Variants in TSNARE1 observed in about 807,000 individuals in gnomAD.
TSNARE1 encodes the protein t-SNARE domain-containing protein 1.
TSNARE1 carries 49 observed loss-of-function variants against 62.0 expected under a neutral mutation model. That is an observed-to-expected ratio of 0.79 (90% CI 0.63 to 1.00). The LOEUF is 1.00. Ranked by LOEUF, TSNARE1 falls within the 50% of genes least tolerant of loss-of-function variation. The pLI is 0.00. For missense variants in TSNARE1, 755 were observed against 700.1 expected, an observed-to-expected ratio of 1.08 and a Z score of -0.88; for synonymous variants, 328 against 294.4, an observed-to-expected ratio of 1.11 and a Z score of -1.17.
intron 1 of TSNARE1, among the ~76,000 whole-genome samples, chr8:142,361,085 C>A (rs1470307695): frequency 6.6e-6 from 1 of 152,242 alleles, no homozygotes; most frequent in East Asian, 1.9e-4. Context: ...CCAGGCCCCA[C>A]ACAGGTCGCA....
chr8:142,381,147 C>A (rs1400410374), intron 1 of TSNARE1, among the ~76,000 whole-genome samples: 1 of 152,242 alleles, frequency 6.6e-6, no homozygotes, highest in Non-Finnish European at 1.5e-5. Context: ...AGAATCAGTG[C>A]CAGAAGCTGC....
At chr8:142,256,036 G>T (rs150766805) in intron 12 of TSNARE1, among the ~76,000 whole-genome samples, 1 of 35,040 alleles carries the variant, frequency 2.9e-5, no homozygotes, top group African/African-American at 1.9e-4. Flanking sequence ...CACTGTCACC[G>T]TCACCACCAC....
At chr8:142,334,330 C>T (rs1417580266) in intron 4 of TSNARE1, among the ~76,000 whole-genome samples, 1 of 152,156 alleles carries the variant, frequency 6.6e-6, no homozygotes, top group Non-Finnish European at 1.5e-5. Context: ...AACTAAACTC[C>T]TTTAAATTTA....
chr8:142,371,747 G>A (rs774658430), intron 1 of TSNARE1, among the ~76,000 whole-genome samples: 9 of 152,116 alleles, frequency 5.9e-5, no homozygotes, highest in Non-Finnish European at 1.2e-4. Context: ...CTTACCATAC[G>A]TGAGCTAAAC....
At chr8:142,403,000 G>A (rs1483905962) in intron 1 of TSNARE1, 104 bp downstream of exon 1, 1 of 142,752 alleles carries the variant, frequency 7.0e-6, no homozygotes, top group South Asian at 2.0e-4. Flanking sequence ...GCCACGCCGC[G>A]GCCCCCGCCG....
chr8:142,347,647 C>G (rs1054545031), intron 2 of TSNARE1, among the ~76,000 whole-genome samples: 1 of 152,012 alleles, frequency 6.6e-6, no homozygotes, highest in Non-Finnish European at 1.5e-5. Flanking sequence ...GACACGCCAT[C>G]ACCTCGCCAC....
intron 1 of TSNARE1, among the ~76,000 whole-genome samples, chr8:142,400,274 G>A (rs529243458): frequency 9.8e-4 from 149 of 152,002 alleles, no homozygotes; most frequent in Non-Finnish European, 1.7e-3. Flanking sequence ...GTGAAACCCC[G>A]TCTCTATTTA....
intron 11 of TSNARE1, 77 bp downstream of exon 11, chr8:142,284,336 G>T: frequency 8.2e-7 from 1 of 1,223,982 alleles, no homozygotes; most frequent in Non-Finnish European, 1.2e-6. Context: ...CCACCCTTAG[G>T]TGAAGGGGTG....
intron 13 of TSNARE1, among the ~76,000 whole-genome samples, chr8:142,222,488 TCATCCAC>T (rs1816375249): frequency 4.7e-5 from 1 of 21,340 alleles, no homozygotes; most frequent in Non-Finnish European, 1.3e-4. Context: ...ACTCACTCAC[TCATCCAC>T]TCACTCATCC....
intron 4 of TSNARE1, among the ~76,000 whole-genome samples, chr8:142,332,323 G>C (rs1414098001): frequency 2.0e-5 from 3 of 152,184 alleles, no homozygotes; most frequent in African/African-American, 7.2e-5. Flanking sequence ...AGCAGGAAAA[G>C]GCCACACGCC....
chr8:142,384,397 T>G (rs1050783611), intron 1 of TSNARE1, among the ~76,000 whole-genome samples: 37 of 152,234 alleles, frequency 2.4e-4, no homozygotes, highest in African/African-American at 8.9e-4. Flanking sequence ...AAAGAAAAAT[T>G]TGGAGGCCAC....
intron 1 of TSNARE1, among the ~76,000 whole-genome samples, chr8:142,356,493 C>T (rs989476886): frequency 1.3e-5 from 2 of 152,164 alleles, no homozygotes; most frequent in East Asian, 1.9e-4. Context: ...CAGGTCTCAA[C>T]GCAGCGAGCA....
chr8:142,223,458 A>AC (rs1276074902), intron 13 of TSNARE1, among the ~76,000 whole-genome samples: 2 of 31,268 alleles, frequency 6.4e-5, no homozygotes, highest in Non-Finnish European at 8.7e-5. Flanking sequence ...TCATTCGCTC[A>AC]TTCACTCATT....
chr8:142,346,533 A>G (rs908416075), intron 2 of TSNARE1, among the ~76,000 whole-genome samples: 12 of 152,384 alleles, frequency 7.9e-5, no homozygotes, highest in African/African-American at 2.9e-4. Context: ...AAGCCTTTTA[A>G]AATCTCCAGA....
intron 1 of TSNARE1, among the ~76,000 whole-genome samples, chr8:142,355,311 G>C (rs1834637757): frequency 6.6e-6 from 1 of 152,262 alleles, no homozygotes; most frequent in Non-Finnish European, 1.5e-5. Flanking sequence ...GCTGGCAAGA[G>C]CCATGGGGCC....
chr8:142,376,324 G>T lies in TSNARE1; in HGVS notation c.-39-21561C>A, dbSNP rs539940702. 3.9e-5 allele frequency among the ~76,000 whole-genome samples: 6 copies of T among 152,308 alleles called. No individual in the cohort carries two copies. The East Asian group carries it at 5.8e-4, about 15-fold the overall frequency. On this transcript the variant is annotated intron_variant, in intron 1 of 13. Transcript: ENST00000524325. ...CCTGGGGCCCAGTGAACCCTGCTGT[G>T]GTCTGAATGTTCGTGTCCTCTGCAA... is the stretch of plus-strand genomic sequence containing the variant.
chr8:142,349,739 C>G (rs920693212), intron 2 of TSNARE1, among the ~76,000 whole-genome samples: 1 of 152,174 alleles, frequency 6.6e-6, no homozygotes, highest in Admixed American at 6.5e-5. Flanking sequence ...CGGCCCTGCC[C>G]GAGCTTCACG....
intron 7 of TSNARE1, among the ~76,000 whole-genome samples, chr8:142,317,036 G>A (rs559044278): frequency 2.6e-5 from 4 of 152,034 alleles, no homozygotes; most frequent in East Asian, 3.9e-4. Context: ...CACTGTGCAC[G>A]TGAAGCAGGT....
chr8:142,251,859 C>A (rs1818184467), intron 12 of TSNARE1, among the ~76,000 whole-genome samples: 2 of 145,228 alleles, frequency 1.4e-5, no homozygotes, highest in Admixed American at 1.4e-4. Flanking sequence ...CACCATGTAC[C>A]CGCCGCCCGC....
Sources: allele counts gnomAD v4.1 joint callset (sites outside exome capture counted in the v4.1 genomes callset), GRCh38; gene constraint gnomAD v4.1.1; transcripts MANE v1.5; gene names NCBI Gene and HGNC (gene_info 2026-07-23, HGNC 2026-07-21).